Variants in UVSSA observed in about 807,000 individuals in gnomAD.
The protein encoded by UVSSA is UV stimulated scaffold protein A, also known as UV-stimulated scaffold protein A.
UVSSA carries 72 observed loss-of-function variants against 73.9 expected under a neutral mutation model. The ratio of observed to expected loss-of-function variants is 0.97; its 90% confidence interval spans 0.81 to 1.19. The LOEUF (loss-of-function observed/expected upper bound fraction) is 1.19. Among genes scored for constraint, UVSSA ranks in the 50% most tolerant of loss-of-function variants. The pLI is 0.00. For synonymous variants in UVSSA, 454 were observed against 391.3 expected, an observed-to-expected ratio of 1.16 and a Z score of -1.89; for missense variants, 1,150 against 965.0, an observed-to-expected ratio of 1.19 and a Z score of -2.54.
intron 8 of UVSSA, among the ~76,000 whole-genome samples, chr4:1,370,551 G>T (rs956095416): frequency 1.6e-4 from 24 of 152,398 alleles, no homozygotes; most frequent in African/African-American, 4.6e-4. Flanking sequence ...GCTTAGAGGA[G>T]CTCCCGAGCG....
upstream of UVSSA, among the ~76,000 whole-genome samples, chr4:1,342,479 G>A (rs1713466101): frequency 6.6e-6 from 1 of 152,122 alleles, no homozygotes; most frequent in Non-Finnish European, 1.5e-5. Flanking sequence ...TTTATTGACT[G>A]TCATTTGATC....
intron 3 of UVSSA, among the ~76,000 whole-genome samples, 171 bp from the exon 4 acceptor site, chr4:1,351,544 C>T (rs1336737896): frequency 6.6e-6 from 1 of 151,528 alleles, no homozygotes; most frequent in Non-Finnish European, 1.5e-5. Flanking sequence ...CGCCACCTCG[C>T]CTGGCTAATT....
rs554030890 is a variant in UVSSA, at chr4:1,371,224, C to T, written c.1289-4140C>T. On this transcript the variant is annotated intron_variant, in intron 8 of 13. Coordinates refer to ENST00000389851, the MANE Select transcript of UVSSA (RefSeq NM_020894.4). Reference sequence around the variant, plus strand: ...AGGCCTGCACGCTCTGCAGCTCACCCGTGTTCAGTGAGAGTACGTCTGTGG... The same window carrying T: ...AGGCCTGCACGCTCTGCAGCTCACCTGTGTTCAGTGAGAGTACGTCTGTGG... Among the ~76,000 whole-genome samples the T allele has an allele frequency of 1.6e-3, 237 of 151,660 alleles. 2 individuals are homozygous for T. The highest frequency in any genetic ancestry group is 5.3e-3 in the African/African-American group (220 of 41,314).
In UVSSA at chr4:1,347,243, T is replaced by C. The variant is rs1713820733; in HGVS notation, c.-520T>C. The C allele has an allele frequency of 6.6e-6, 1 of 152,160 alleles. No homozygotes were observed. The highest frequency in any genetic ancestry group is 6.5e-5 in the Admixed American group (1 of 15,276). The allele number at this position is 152,160 out of a possible 1,614,324, so 9.4% of individuals were successfully genotyped here. A position where few individuals can be genotyped will look rare whatever the true frequency, so the allele number is the denominator to read the frequency against. ...GCCGCGTCAGCGGTAGGTGGGGCTG[T>C]GGTTACGCTGCCGGGCGGGGGTCGC... On this transcript the variant is annotated 5_prime_UTR_variant, in exon 1 of 14. Transcript: ENST00000389851.
rs1715522031 is a variant in UVSSA at position 1,355,202 on chromosome 4, A to G, written c.1133A>G (p.Tyr378Cys). ...KAELELVLRK[Y>C]KELDIEPEGG... ...GAATTGGAGCTCGTACTGAGAAAATACAAGGAGCTGGACATCGAGCCTGAG... is the reference window on the plus strand; with the variant it reads ...GAATTGGAGCTCGTACTGAGAAAATGCAAGGAGCTGGACATCGAGCCTGAG... Residue 378 changes from tyrosine (Y) to cysteine (C), a missense_variant, in exon 7 of 14, where the codon TAC becomes TGC. Transcript: ENST00000389851. The G allele has an allele frequency of 1.2e-6, 2 of 1,613,424 alleles. No homozygotes were observed. The highest frequency in any genetic ancestry group is 1.7e-6 in the Non-Finnish European group (2 of 1,179,720).
Position 1,373,482 on chromosome 4 carries a change from G to A in UVSSA, c.1289-1882G>A, listed in dbSNP as rs558377641. ...GTTAATCTCCTTTGGCAACACCCTC[G>A]CAGACACACCCAAGATCAATACTTT... On this transcript the variant is annotated intron_variant, in intron 8 of 13. Coordinates refer to ENST00000389851, the MANE Select transcript of UVSSA (RefSeq NM_020894.4). Among the ~76,000 whole-genome samples the A allele has an allele frequency of 1.6e-4, 24 of 152,198 alleles. No homozygotes were observed. The South Asian group carries it at 4.2e-3, about 26-fold the overall frequency.
At chr4:1,369,658 G>C (rs1717777099) in intron 8 of UVSSA, among the ~76,000 whole-genome samples, 1 of 152,212 alleles carries the variant, frequency 6.6e-6, no homozygotes, top group Non-Finnish European at 1.5e-5. Flanking sequence ...AGCTGAACTA[G>C]GTAAAATCAA....
At chr4:1,346,817 C>G (rs1244767664), upstream of UVSSA, among the ~76,000 whole-genome samples, 1 of 152,188 alleles carries the variant, frequency 6.6e-6, no homozygotes, top group Admixed American at 6.5e-5. Context: ...CCGGCCCCGC[C>G]CCCGGCGCCC....
chr4:1,354,335 CG>C (rs921741626), intron 5 of UVSSA, among the ~76,000 whole-genome samples: 39 of 91,536 alleles, frequency 4.3e-4, no homozygotes, highest in Non-Finnish European at 2.2e-4. Flanking sequence ...GAGGAGAGGC[CG>C]GGGGGGTGGG....
At chr4:1,379,273 C>T (rs1166734648) in intron 10 of UVSSA, among the ~76,000 whole-genome samples, 4 of 152,344 alleles carry the variant, frequency 2.6e-5, no homozygotes, top group African/African-American at 9.6e-5. Flanking sequence ...AGAAGGAGGC[C>T]TGGTGGCAGC....
intron 3 of UVSSA, among the ~76,000 whole-genome samples, chr4:1,350,339 A>AC (rs1714507862): frequency 6.6e-6 from 1 of 152,024 alleles, no homozygotes. Context: ...CCCAGACCCT[A>AC]CCGTGCCCCT....
rs1720119526 is a variant in UVSSA at position 1,386,414 on chromosome 4, A to C, written c.*453A>C. ...AAACACAAAGGCTAGTGAACCGTTCAGTCATCTGCTTTCTGTTTCTGGATG... is the reference window on the plus strand; with the variant it reads ...AAACACAAAGGCTAGTGAACCGTTCCGTCATCTGCTTTCTGTTTCTGGATG... On this transcript the variant is annotated 3_prime_UTR_variant, in exon 14 of 14. Coordinates refer to ENST00000389851, the MANE Select transcript of UVSSA (RefSeq NM_020894.4). 6.2e-6 allele frequency: 1 copy of C among 161,750 alleles called. No homozygotes were observed. Among genetic ancestry groups the C allele is most frequent in the Non-Finnish European group, 1.4e-5 (1 of 73,222 alleles). The allele number at this position is 161,750 out of a possible 1,614,324, so 10.0% of individuals were successfully genotyped here. A position where few individuals can be genotyped will look rare whatever the true frequency, so the allele number is the denominator to read the frequency against.
At chr4:1,357,993 C>T (rs1383981633) in intron 7 of UVSSA, 1 of 152,360 alleles carries the variant, frequency 6.6e-6, no homozygotes, top group Non-Finnish European at 1.5e-5. Flanking sequence ...TGTTAGCTGT[C>T]TCTGAGCTTC....
intron 3 of UVSSA, 82 bp downstream of exon 3, chr4:1,349,936 C>T (rs940029830): frequency 2.4e-6 from 3 of 1,260,266 alleles, no homozygotes; most frequent in South Asian, 1.6e-5. Flanking sequence ...AGATGCGCCT[C>T]CTGTTGAACC....
At position 1,395,524 on chromosome 4, in the gene UVSSA, G is replaced by A. The variant is rs1289180296; in HGVS notation, c.*9563G>A. The A allele has an allele frequency of 6.3e-7, 1 of 1,597,082 alleles. No individual in the cohort carries two copies. The highest frequency in any genetic ancestry group is 1.4e-5 in the African/African-American group (1 of 69,346). On this transcript the variant is annotated 3_prime_UTR_variant, in exon 14 of 14. Coordinates refer to the UVSSA transcript ENST00000511216. ...CCCGCCTGCTCACACACATGCCGAT[G>A]TGGAGTGCCCGCCTGCTCACACGTG...
chr4:1,349,102 G>A (rs1489996155), intron 2 of UVSSA, among the ~76,000 whole-genome samples: 2 of 152,226 alleles, frequency 1.3e-5, no homozygotes, highest in African/African-American at 4.8e-5. Flanking sequence ...GGCGGTGTGT[G>A]TTGCGCTAGG....
At chr4:1,346,381 C>A (rs1713684660), upstream of UVSSA, among the ~76,000 whole-genome samples, 1 of 152,166 alleles carries the variant, frequency 6.6e-6, no homozygotes, top group Admixed American at 6.5e-5. Flanking sequence ...GAGTGGGGTC[C>A]ACACCACGCT....
intron 10 of UVSSA, 32 bp from the exon 11 acceptor site, chr4:1,380,015 G>A (rs770191142): frequency 1.3e-6 from 2 of 1,567,696 alleles, no homozygotes; most frequent in Non-Finnish European, 1.7e-6. Context: ...GGTCCCTGCA[G>A]ATGCTATGAG....
intron 8 of UVSSA, chr4:1,375,144 C>G: frequency 1.5e-6 from 1 of 661,840 alleles, no homozygotes; most frequent in Non-Finnish European, 2.5e-6. Flanking sequence ...GCGGGACTGC[C>G]GGACCCCCCG....
Sources: allele counts gnomAD v4.1 joint callset (sites outside exome capture counted in the v4.1 genomes callset), GRCh38; gene constraint gnomAD v4.1.1; transcripts MANE v1.5; gene names NCBI Gene and HGNC (gene_info 2026-07-23, HGNC 2026-07-21).